Variants in PCDHGA6 observed in about 807,000 individuals in gnomAD.
The protein encoded by PCDHGA6 is protocadherin gamma subfamily A, 6.
A neutral mutation model predicts 60.6 loss-of-function variants in PCDHGA6; 41 were observed. The ratio of observed to expected loss-of-function variants is 0.68; its 90% CI spans 0.53 to 0.88. PCDHGA6 has a LOEUF of 0.88. Ranked by LOEUF, PCDHGA6 falls within the 40% of genes least tolerant of loss-of-function variation. The pLI is 0.00. For synonymous variants in PCDHGA6, 594 were observed against 524.4 expected, an observed-to-expected ratio of 1.13 and a Z score of -1.81; for missense variants, 1,312 against 1,203.0, an observed-to-expected ratio of 1.09 and a Z score of -1.34.
chr5:141,438,450 A>G (rs1017249043), intron 1 of PCDHGA6, among the ~76,000 whole-genome samples: 32 of 151,738 alleles, frequency 2.1e-4, no homozygotes, highest in African/African-American at 7.5e-4. Flanking sequence ...ACTCAATACA[A>G]TGCTTGAGTT....
intron 1 of PCDHGA6, chr5:141,426,513 C>G (rs780618436): frequency 2.3e-5 from 8 of 341,028 alleles, no homozygotes; most frequent in African/African-American, 4.3e-5. Flanking sequence ...AATACTTTAC[C>G]GTGAACACGG....
chr5:141,397,332 A>G (rs1246653356), intron 1 of PCDHGA6, among the ~76,000 whole-genome samples: 1 of 152,234 alleles, frequency 6.6e-6, no homozygotes, highest in Non-Finnish European at 1.5e-5. Flanking sequence ...AATTATTTTT[A>G]TAAAGAATGT....
Position 141,374,291 on chromosome 5 carries a change from G to A in PCDHGA6, c.208G>A (p.Gly70Ser), listed in dbSNP as rs988844728. Residue 70 changes from glycine to serine, a missense_variant, in exon 1 of 4, where the codon GGT (glycine) becomes AGT (serine). Gly to Ser is a moderately conservative substitution (Grantham distance 56). Coordinates refer to ENST00000517434, the MANE Select transcript of PCDHGA6 (RefSeq NM_018919.3). ...GCACGGAGTCCGCATCGTCTCCAGA[G>A]GTAGGATGCAGCTTTTCTCTCTGAA... ...AEHGVRIVSR[G>S]RMQLFSLNPR... 2 of 1,613,858 alleles carry A rather than the reference G, an allele frequency of 1.2e-6. No homozygotes were observed. Among genetic ancestry groups the A allele is most frequent in the African/African-American group, 1.3e-5 (1 of 74,954 alleles).
At chr5:141,503,004 C>T (rs114294610) in intron 2 of PCDHGA6, among the ~76,000 whole-genome samples, 5,013 of 145,894 alleles carry the variant, frequency 0.034, 127 homozygotes, top group South Asian at 0.076. Context: ...CCACCATGCC[C>T]GGTTAATTTT....
At chr5:141,385,448 AC>A (rs1336219074) in intron 1 of PCDHGA6, 2 of 1,449,614 alleles carry the variant, frequency 1.4e-6, no homozygotes, top group Non-Finnish European at 9.1e-7. Flanking sequence ...AAATGAGTTT[AC>A]CAGTTTCCTT....
At chr5:141,414,097 T>C (rs1442366960) in intron 1 of PCDHGA6, 1 of 1,594,352 alleles carries the variant, frequency 6.3e-7, no homozygotes, top group South Asian at 1.1e-5. Context: ...AATAAAAATA[T>C]CAGAAAATCT....
chr5:141,476,979 G>A lies in PCDHGA6; in HGVS notation c.2425-17828G>A, dbSNP rs772801536. On this transcript the variant is annotated intron_variant, in intron 1 of 3. Coordinates refer to ENST00000517434, the MANE Select transcript of PCDHGA6 (RefSeq NM_018919.3). The surrounding 1 kb of genome is among the most constrained non-coding windows in gnomAD (Gnocchi z 7.6). ...ATTTACTCCTTCGGCAGCCACAACC[G>A]CGCCGGCGTGCGGCAACTATTCGCC... The A allele has an allele frequency of 1.9e-6, 3 of 1,614,238 alleles. No homozygotes were observed. The South Asian group carries it at 3.3e-5, about 18-fold the overall frequency.
chr5:141,418,079 C>A, intron 1 of PCDHGA6: 1 of 1,614,048 alleles, frequency 6.2e-7, no homozygotes, highest in Non-Finnish European at 8.5e-7. Context: ...GGAGAAGCTG[C>A]ACTTCAGCGT....
intron 1 of PCDHGA6, chr5:141,395,410 A>G: frequency 1.2e-6 from 1 of 801,764 alleles, no homozygotes; most frequent in Non-Finnish European, 1.9e-6. Context: ...GTCATAGGTT[A>G]TTGTTTCATT....
chr5:141,485,274 C>T lies in PCDHGA6; in HGVS notation c.2425-9533C>T. On this transcript the variant is annotated intron_variant, in intron 1 of 3. Transcript: ENST00000517434. The surrounding 1 kb of genome is among the most constrained non-coding windows in gnomAD (Gnocchi z 5.7). Reference sequence around the variant, plus strand: ...TACGTTTGTGGGCAGATCCGCTACCCGGTCCCAGAGGAGTCACAGGAAGGG... The same window carrying T: ...TACGTTTGTGGGCAGATCCGCTACCTGGTCCCAGAGGAGTCACAGGAAGGG... The T allele has an allele frequency of 6.2e-7, 1 of 1,614,106 alleles. No individual in the cohort carries two copies. Among genetic ancestry groups the T allele is most frequent in the South Asian group, 1.1e-5 (1 of 91,086 alleles).
At chr5:141,393,259 G>GAGCACGTT (rs1561641390) in intron 1 of PCDHGA6, 2 of 1,613,874 alleles carry the variant, frequency 1.2e-6, no homozygotes, top group Non-Finnish European at 1.7e-6. Flanking sequence ...GCGGTTCCTG[G>GAGCACGTT]AGCACGTTAT....
chr5:141,438,180 A>G (rs2097937602), intron 1 of PCDHGA6, among the ~76,000 whole-genome samples: 1 of 152,204 alleles, frequency 6.6e-6, no homozygotes, highest in African/African-American at 2.4e-5. Context: ...AATATTTTAT[A>G]AAGGATGAGA....
Position 141,432,267 on chromosome 5 carries a change from C to T in PCDHGA6, c.2424+55760C>T, listed in dbSNP as rs746089276. 4.3e-6 allele frequency: 7 copies of T among 1,614,244 alleles called. No homozygotes were observed. On this transcript the variant is annotated intron_variant, in intron 1 of 3. Transcript: ENST00000517434. The surrounding 1 kb of genome is among the most constrained non-coding windows in gnomAD (Gnocchi z 6.0). ...ACCATCCAAGGGGCAAGCCTATCGT[C>T]CTACGTGTCCATCAACTCCGACACT...
chr5:141,388,326 C>T, intron 1 of PCDHGA6: 1 of 1,613,878 alleles, frequency 6.2e-7, no homozygotes, highest in Non-Finnish European at 8.5e-7. Context: ...GTCTGCACAG[C>T]CTGGCACACG....
rs1272109802 is a variant in PCDHGA6 at position 141,403,110 on chromosome 5, C to G, written c.2424+26603C>G. The G allele has an allele frequency of 6.2e-7, 1 of 1,614,084 alleles. No individual in the cohort carries two copies. The highest frequency in any genetic ancestry group is 1.7e-5 in the Admixed American group (1 of 60,032). The stretch of plus-strand genomic sequence containing the variant: ...GTGGGCAACATCTCCAAGGACCTGG[C>G]TCTGGAGCCCCGGGAGCTGGCGGAG... On this transcript the variant is annotated intron_variant, in intron 1 of 3. Transcript: ENST00000517434.
chr5:141,408,904 T>C (rs779095615), intron 1 of PCDHGA6: 14 of 1,613,246 alleles, frequency 8.7e-6, no homozygotes, highest in Admixed American at 3.3e-5. Flanking sequence ...CTGTCAAGGA[T>C]ACCAATGATA....
intron 1 of PCDHGA6, chr5:141,397,927 G>C: frequency 1.3e-6 from 1 of 764,054 alleles, no homozygotes. Flanking sequence ...TCCTCGCGCA[G>C]CCGCAGCGCG....
Position 141,487,082 on chromosome 5 carries a change from G to A in PCDHGA6, c.2425-7725G>A, listed in dbSNP as rs2099639361. On this transcript the variant is annotated intron_variant, in intron 1 of 3. Transcript: ENST00000517434. The surrounding 1 kb of genome is among the most constrained non-coding windows in gnomAD (Gnocchi z 5.0). Reference sequence around the variant, plus strand: ...GCGGACGGCTGTTCCTATCCCAGCTGACCTCCCACCACAGAAGCTGGTCAT... The same window carrying A: ...GCGGACGGCTGTTCCTATCCCAGCTAACCTCCCACCACAGAAGCTGGTCAT... The A allele has an allele frequency of 8.1e-6, 13 of 1,614,056 alleles. No individual in the cohort carries two copies. The highest frequency in any genetic ancestry group is 1.1e-5 in the Non-Finnish European group (13 of 1,179,938).
chr5:141,489,804 G>A lies in PCDHGA6; in HGVS notation c.2425-5003G>A, dbSNP rs2099692572. 1 of 1,614,056 alleles carries A rather than the reference G, an allele frequency of 6.2e-7. No homozygotes were observed. The highest frequency in any genetic ancestry group is 1.3e-5 in the African/African-American group (1 of 74,932). ...TGAATGTGAAGACCCTAAAAGATGG[G>A]AAGCCATTCCCAGAGCTGGTGCTAG... On this transcript the variant is annotated intron_variant, in intron 1 of 3. Transcript: ENST00000517434. The surrounding 1 kb of genome is among the most constrained non-coding windows in gnomAD (Gnocchi z 4.5).
Sources: gnomAD v4.1 joint callset for allele counts (sites outside exome capture counted in the v4.1 genomes callset) on GRCh38, gnomAD v4.1.1 for gene constraint, Gnocchi (gnomAD v3.1) non-coding constraint, MANE v1.5 for transcripts, NCBI Gene and HGNC (gene_info 2026-07-23, HGNC 2026-07-21) for gene names.